The following DMD variants were observed in gnomAD, a reference collection of about 807,000 sequenced individuals.
DMD encodes the protein dystrophin, also known as mutant dystrophin.
Under a neutral mutation model 330.1 loss-of-function variants are expected in DMD, and 63 were observed. That is an observed-to-expected ratio of 0.19 (90% CI 0.16 to 0.24). DMD has a LOEUF of 0.24. DMD is among the 10% of genes least tolerant of loss of function. DMD has a pLI of 1.00. For missense variants in DMD, 3,344 were observed against 2,684.1 expected (o/e 1.25, Z -5.43); for synonymous variants, 1,223 against 959.8 (o/e 1.27, Z -5.07).
At chrX:31,503,734 T>G (rs904433392) in intron 56 of DMD, among the ~76,000 whole-genome samples, 20 of 111,329 alleles carry the variant, frequency 1.8e-4, no homozygotes, top group Admixed American at 1.7e-3. Context: ...GGGTACATAC[T>G]CATATGGGAG....
intron 1 of DMD, among the ~76,000 whole-genome samples, chrX:33,078,988 A>AC (rs1474942880): frequency 6.3e-5 from 7 of 111,611 alleles, no homozygotes; most frequent in Non-Finnish European, 1.1e-4. Flanking sequence ...TATTAATCAG[A>AC]AACCTGCATT....
intron 44 of DMD, among the ~76,000 whole-genome samples, chrX:32,213,648 G>T (rs1761216947): frequency 8.9e-6 from 1 of 111,746 alleles, no homozygotes; most frequent in Non-Finnish European, 1.9e-5. Context: ...TATAGATTGA[G>T]AAAAAATAGA....
chrX:32,917,684 T>C (rs1426960704), intron 2 of DMD, among the ~76,000 whole-genome samples: 2 of 111,624 alleles, frequency 1.8e-5, no homozygotes, highest in Non-Finnish European at 3.8e-5. Flanking sequence ...GAAAAAATGG[T>C]TGGTGATCTT....
In DMD at chrX:32,947,030, A is replaced by G. The variant is rs1278614297; in HGVS notation, c.93+73109T>C. On this transcript the variant is annotated intron_variant, in intron 2 of 78. Transcript: ENST00000357033. ...AACTTAAGGCTTATGTATTTCGTAAACGCAGCTGCTTTAACAAATTAGTAA... is the reference window on the plus strand; with the variant it reads ...AACTTAAGGCTTATGTATTTCGTAAGCGCAGCTGCTTTAACAAATTAGTAA... 4.5e-5 allele frequency among the ~76,000 whole-genome samples: 5 copies of G among 112,303 alleles called. No individual in the cohort carries two copies. In the East Asian group the frequency reaches 1.4e-3, roughly 31 times the overall value.
intron 7 of DMD, among the ~76,000 whole-genome samples, chrX:32,720,209 T>C (rs2066146139): frequency 9.0e-6 from 1 of 110,774 alleles, no homozygotes; most frequent in Non-Finnish European, 1.9e-5. Flanking sequence ...TGTTACCTTT[T>C]CTAATTTTTT....
intron 1 of DMD, among the ~76,000 whole-genome samples, chrX:33,260,033 T>A (rs1287619726): frequency 1.8e-5 from 2 of 111,174 alleles, no homozygotes; most frequent in African/African-American, 6.5e-5. Flanking sequence ...ATATTTGCAC[T>A]CAGGTTTTTG....
intron 2 of DMD, among the ~76,000 whole-genome samples, chrX:32,965,978 G>A (rs12863406): frequency 0.034 from 3,791 of 111,504 alleles, 120 homozygotes; most frequent in East Asian, 0.22. Flanking sequence ...AAACATGCAA[G>A]CATAAATAAC....
intron 52 of DMD, among the ~76,000 whole-genome samples, chrX:31,686,059 T>C (rs1376470812): frequency 8.9e-6 from 1 of 112,139 alleles, no homozygotes; most frequent in Non-Finnish European, 1.9e-5. Flanking sequence ...CCATTAATCA[T>C]TGTTTAAAGG....
intron 2 of DMD, among the ~76,000 whole-genome samples, chrX:32,874,991 C>A (rs1396335043): frequency 8.9e-6 from 1 of 111,979 alleles, no homozygotes; most frequent in Non-Finnish European, 1.9e-5. Flanking sequence ...TGACACCACA[C>A]AGAGTAGAAA....
chrX:33,003,204 T>G (rs2093326803), intron 2 of DMD, among the ~76,000 whole-genome samples: 1 of 110,777 alleles, frequency 9.0e-6, no homozygotes, highest in Admixed American at 9.7e-5. Flanking sequence ...TGCCTTTGCA[T>G]CCTCATAGTT....
At chrX:31,274,307 C>T (rs933469871) in intron 62 of DMD, among the ~76,000 whole-genome samples, 12 of 111,606 alleles carry the variant, frequency 1.1e-4, no homozygotes, top group African/African-American at 3.9e-4. Flanking sequence ...TCAGTGGGGC[C>T]GAGATTAAAA....
intron 2 of DMD, among the ~76,000 whole-genome samples, chrX:32,859,467 ACAC>A (rs2081895305): frequency 2.3e-5 from 1 of 43,938 alleles, no homozygotes; most frequent in Non-Finnish European, 3.8e-5. Context: ...GATCTCACAC[ACAC>A]ACACACACAC....
At chrX:31,640,944 G>A (rs900449848) in intron 54 of DMD, among the ~76,000 whole-genome samples, 16 of 111,784 alleles carry the variant, frequency 1.4e-4, no homozygotes, top group Admixed American at 4.8e-4. Context: ...TCTTCTAAGC[G>A]GATGACAGTG....
chrX:31,547,642 G>A (rs6631334), intron 55 of DMD, among the ~76,000 whole-genome samples: 2,108 of 111,762 alleles, frequency 0.019, 45 homozygotes, highest in East Asian at 0.13. Context: ...GTAAGCATGT[G>A]TTTGCTGGCA....
At chrX:33,314,062 T>C (rs1189503901) in intron 1 of DMD, among the ~76,000 whole-genome samples, 1 of 108,749 alleles carries the variant, frequency 9.2e-6, no homozygotes, top group Non-Finnish European at 1.9e-5. Context: ...GCCTTGAGGT[T>C]AAGATGTACA....
intron 7 of DMD, chrX:32,754,931 T>C (rs2071314031): frequency 9.0e-6 from 1 of 111,717 alleles, no homozygotes; most frequent in Admixed American, 9.5e-5. Flanking sequence ...TTCAGTTCTC[T>C]GTACATTACA....
At chrX:32,611,037 A>G (rs1443518707) in intron 12 of DMD, among the ~76,000 whole-genome samples, 1 of 111,219 alleles carries the variant, frequency 9.0e-6, no homozygotes, top group Non-Finnish European at 1.9e-5. Context: ...TGCTCCTTTT[A>G]GTCTTAAAAG....
At chrX:33,087,551 C>A (rs111686935) in intron 1 of DMD, among the ~76,000 whole-genome samples, 322 of 112,024 alleles carry the variant, frequency 2.9e-3, no homozygotes, top group Non-Finnish European at 5.2e-3. Flanking sequence ...CACATTCATT[C>A]ATTCTGTTCA....
intron 34 of DMD, among the ~76,000 whole-genome samples, chrX:32,379,407 C>A (rs1395740559): frequency 9.0e-6 from 1 of 110,699 alleles, no homozygotes; most frequent in Non-Finnish European, 1.9e-5. Context: ...TGCAAAAATA[C>A]CTCAAGTAAT....
Sources: gnomAD v4.1 joint callset for allele counts (sites outside exome capture counted in the v4.1 genomes callset) on GRCh38, gnomAD v4.1.1 for gene constraint, MANE v1.5 for transcripts, NCBI Gene and HGNC (gene_info 2026-07-23, HGNC 2026-07-21) for gene names.